AK9: variants seen among roughly 807,000 people sequenced by gnomAD.
AK9 encodes the protein adenylate kinase domain containing 1.
A neutral mutation model predicts 239.6 loss-of-function variants in AK9; 191 were observed. The observed-to-expected ratio is 0.80, with a 90% CI of 0.71 to 0.90. The LOEUF is 0.90. Ranked by LOEUF, AK9 falls within the 40% of genes least tolerant of loss-of-function variation. AK9 has a pLI of 0.00. For synonymous variants in AK9, 689 were observed against 721.0 expected (o/e 0.96, Z 0.71); for missense variants, 1,995 against 2,214.7 (o/e 0.90, Z 1.99).
At chr6:109,556,276 T>C (rs1785000718) in intron 24 of AK9, among the ~76,000 whole-genome samples, 1 of 152,160 alleles carries the variant, frequency 6.6e-6, no homozygotes, top group Non-Finnish European at 1.5e-5. Flanking sequence ...TTATGAAGCT[T>C]AGTTTGGCTG....
At chr6:109,496,295 C>T (rs190420332) in intron 38 of AK9, among the ~76,000 whole-genome samples, 134 of 152,284 alleles carry the variant, frequency 8.8e-4, no homozygotes, top group African/African-American at 2.9e-3. Flanking sequence ...TGCACCAGGC[C>T]CCCTGACTCC....
intron 24 of AK9, among the ~76,000 whole-genome samples, chr6:109,556,991 A>T (rs1055711054): frequency 2.0e-5 from 3 of 152,006 alleles, no homozygotes; most frequent in Non-Finnish European, 2.9e-5. Flanking sequence ...CTGTCAGTTC[A>T]TCCATCTGAT....
At position 109,546,103 on chromosome 6, in the gene AK9, C is replaced by T. The variant is rs765415241; in HGVS notation, c.2989G>A (p.Val997Ile). The change falls in exon 26 of 41, where the codon GTC (valine) becomes ATC (isoleucine). Residue 997 changes from valine to isoleucine, a missense_variant. By Grantham distance (29) the Val-to-Ile change is conservative. Coordinates refer to ENST00000424296, the MANE Select transcript of AK9 (RefSeq NM_001145128.3). ...LKAPPLRICL[V>I]GPQGSGKTMC... ...GTTTTGCCAGAGCCCTGGGGGCCGA[C>T]AAGGCATATTCTTAATGGAGGAGCC... 2 of 1,306,886 alleles carry T rather than the reference C, an allele frequency of 1.5e-6. No individual in the cohort carries two copies. The highest frequency in any genetic ancestry group is 2.0e-6 in the Non-Finnish European group (2 of 989,284). The allele number at this position is 1,306,886 out of a possible 1,614,324, so 81.0% of individuals were successfully genotyped here.
At chr6:109,576,606 G>A (rs895025437) in intron 20 of AK9, among the ~76,000 whole-genome samples, 1 of 151,478 alleles carries the variant, frequency 6.6e-6, no homozygotes, top group Non-Finnish European at 1.5e-5. Flanking sequence ...AATTTTCTAG[G>A]TATATGATCA....
chr6:109,654,497 G>A (rs1310076502), intron 8 of AK9, among the ~76,000 whole-genome samples: 2 of 151,838 alleles, frequency 1.3e-5, no homozygotes, highest in African/African-American at 4.8e-5. Context: ...ATGCCCGGCT[G>A]TTTTTTGGAT....
rs1337041040 is a variant in AK9 at position 109,641,501 on chromosome 6, A to T, written c.933+17T>A. ...TATATTGAAAATTAGACTTTCAGAC[A>T]GTTCCATATAACTTACATTTTCCAT... On this transcript the variant is annotated intron_variant, in intron 10 of 40. Transcript: ENST00000424296. 3 of 1,593,076 alleles carry T rather than the reference A, an allele frequency of 1.9e-6. No homozygotes were observed. The highest frequency in any genetic ancestry group is 2.6e-6 in the Non-Finnish European group (3 of 1,161,742).
At chr6:109,508,555 G>T (rs1214514080) in intron 33 of AK9, among the ~76,000 whole-genome samples, 4 of 152,050 alleles carry the variant, frequency 2.6e-5, no homozygotes, top group Non-Finnish European at 5.9e-5. Context: ...GAAAGTCAAA[G>T]AGGCTTCTAA....
chr6:109,677,919 A>G (rs1772002262), intron 1 of AK9, among the ~76,000 whole-genome samples: 2 of 152,224 alleles, frequency 1.3e-5, no homozygotes, highest in Non-Finnish European at 2.9e-5. Flanking sequence ...TGACAACACC[A>G]GATGTTGGTG....
At chr6:109,554,604 T>G (rs1398229314) in intron 24 of AK9, among the ~76,000 whole-genome samples, 1 of 145,366 alleles carries the variant, frequency 6.9e-6, no homozygotes, top group Admixed American at 7.3e-5. Flanking sequence ...TGATCTCTGC[T>G]CACTGCAACC....
chr6:109,534,751 C>A (rs981413668), intron 27 of AK9, among the ~76,000 whole-genome samples: 1 of 151,880 alleles, frequency 6.6e-6, no homozygotes, highest in Non-Finnish European at 1.5e-5. Flanking sequence ...TGCTATCCCT[C>A]CCCCACTCCC....
intron 10 of AK9, among the ~76,000 whole-genome samples, chr6:109,639,823 G>A (rs1358124519): frequency 6.6e-6 from 1 of 152,250 alleles, no homozygotes; most frequent in African/African-American, 2.4e-5. Flanking sequence ...ACTAATTTTT[G>A]TATAAGGTGT....
At position 109,644,706 on chromosome 6, in the gene AK9, G is replaced by C; in HGVS notation, c.760-18C>G. On this transcript the variant is annotated intron_variant, in intron 8 of 40. Coordinates refer to ENST00000424296, the MANE Select transcript of AK9 (RefSeq NM_001145128.3). Reference sequence around the variant, plus strand: ...ATTACTTCCTGCAGATAATAGAAAAGAAACTTTATAATACAGGATCACTAG... The same window carrying C: ...ATTACTTCCTGCAGATAATAGAAAACAAACTTTATAATACAGGATCACTAG... The C allele has an allele frequency of 1.3e-6, 2 of 1,592,996 alleles. No individual in the cohort carries two copies. Among genetic ancestry groups the C allele is most frequent in the Non-Finnish European group, 1.7e-6 (2 of 1,167,060 alleles).
intron 21 of AK9, 35 bp from the exon 22 acceptor site, chr6:109,564,880 T>G (rs1365024586): frequency 1.4e-6 from 2 of 1,432,440 alleles, no homozygotes; most frequent in African/African-American, 2.9e-5. Context: ...GTGTTTAAAT[T>G]TGAAAACATT....
intron 8 of AK9, among the ~76,000 whole-genome samples, chr6:109,645,398 G>A (rs1169077166): frequency 6.6e-6 from 1 of 152,218 alleles, no homozygotes; most frequent in African/African-American, 2.4e-5. Flanking sequence ...GGCACACCAG[G>A]AGATTATATG....
At chr6:109,674,317 C>G (rs910533554) in intron 2 of AK9, 56 bp from the exon 3 acceptor site, 1 of 1,216,562 alleles carries the variant, frequency 8.2e-7, no homozygotes, top group African/African-American at 1.5e-5. Flanking sequence ...GCCAGTGACA[C>G]AGATACAGCA....
chr6:109,634,076 C>T (rs1796438685), intron 10 of AK9, among the ~76,000 whole-genome samples: 1 of 152,094 alleles, frequency 6.6e-6, no homozygotes, highest in South Asian at 2.1e-4. Context: ...ATGTCCCCTC[C>T]AAAACTCAGG....
intron 13 of AK9, among the ~76,000 whole-genome samples, chr6:109,618,366 C>A (rs1324203863): frequency 2.6e-5 from 4 of 151,204 alleles, no homozygotes; most frequent in African/African-American, 9.7e-5. Context: ...TCTGCAAAAA[C>A]CAATCAATGA....
intron 32 of AK9, among the ~76,000 whole-genome samples, chr6:109,509,974 T>C (rs1582769274): frequency 6.6e-6 from 1 of 152,112 alleles, no homozygotes; most frequent in Non-Finnish European, 1.5e-5. Context: ...GGCCTCTCTC[T>C]GCTCCTGGCC....
At chr6:109,550,461 A>T in intron 24 of AK9, 159 bp from the exon 25 acceptor site, 1 of 574,430 alleles carries the variant, frequency 1.7e-6, no homozygotes, top group Non-Finnish European at 2.9e-6. Flanking sequence ...ATTAAAAATC[A>T]GTTTCTCATA....
Sources: gnomAD v4.1 joint callset for allele counts (sites outside exome capture counted in the v4.1 genomes callset) on GRCh38, gnomAD v4.1.1 for gene constraint, MANE v1.5 for transcripts, NCBI Gene and HGNC (gene_info 2026-07-23, HGNC 2026-07-21) for gene names.